AGMO: variants seen among roughly 807,000 people sequenced by gnomAD.
AGMO encodes the protein glyceryl-ether monooxygenase.
Under a neutral mutation model 60.2 loss-of-function variants are expected in AGMO, and 75 were observed. That is an observed-to-expected ratio of 1.25 (90% CI 1.03 to 1.51). The LOEUF is 1.51. Ranked by LOEUF, AGMO falls within the 40% of genes most tolerant of loss-of-function variation. The pLI, the probability that AGMO is intolerant of heterozygous loss-of-function variation, is 0.00. For synonymous variants in AGMO, 261 were observed against 177.1 expected (o/e 1.47, Z -3.76); for missense variants, 763 against 525.5 (o/e 1.45, Z -4.42).
intron 5 of AGMO, among the ~76,000 whole-genome samples, chr7:15,413,052 T>C (rs1489309022): frequency 1.3e-5 from 2 of 152,146 alleles, no homozygotes; most frequent in Non-Finnish European, 2.9e-5. Flanking sequence ...ATATTGGAAT[T>C]AGCAGACAAG....
the AGMO span, among the ~76,000 whole-genome samples, chr7:15,176,795 A>G: frequency 6.6e-5 from 10 of 151,956 alleles, no homozygotes; most frequent in Admixed American, 5.3e-4. Flanking sequence ...TTAAAACTGA[A>G]TATTTGTAAC....
At chr7:15,419,351 T>C (rs370491903) in intron 4 of AGMO, among the ~76,000 whole-genome samples, 10 of 152,020 alleles carry the variant, frequency 6.6e-5, no homozygotes, top group African/African-American at 9.7e-5. Context: ...GTTCTGCTAA[T>C]GACTTTGATC....
chr7:15,240,369 A>T (rs1782553951), intron 12 of AGMO, among the ~76,000 whole-genome samples: 1 of 152,148 alleles, frequency 6.6e-6, no homozygotes, highest in Admixed American at 6.5e-5. Flanking sequence ...TTATGTGCTA[A>T]TTCTTAGTGA....
chr7:15,415,208 T>C (rs1289292004), intron 5 of AGMO, among the ~76,000 whole-genome samples: 1 of 151,940 alleles, frequency 6.6e-6, no homozygotes, highest in East Asian at 2.0e-4. Flanking sequence ...GCCATCCTCC[T>C]GCCTCAGCCT....
intron 12 of AGMO, among the ~76,000 whole-genome samples, chr7:15,243,165 T>A (rs189937787): frequency 1.3e-5 from 2 of 152,236 alleles, no homozygotes; most frequent in East Asian, 3.9e-4. Context: ...TCTCAAGGGA[T>A]TGCTTTTATA....
chr7:15,135,459 C>G, the AGMO span, among the ~76,000 whole-genome samples: 1 of 152,030 alleles, frequency 6.6e-6, no homozygotes, highest in South Asian at 2.1e-4. Flanking sequence ...TATATTTTGA[C>G]TTTATGAGTT....
intron 3 of AGMO, among the ~76,000 whole-genome samples, chr7:15,521,047 A>T (rs530812525): frequency 6.6e-6 from 1 of 152,202 alleles, no homozygotes; most frequent in African/African-American, 2.4e-5. Context: ...ACAAACTACC[A>T]TCAAAGAATA....
chr7:15,257,028 A>T (rs1000461436), intron 12 of AGMO, among the ~76,000 whole-genome samples: 2 of 152,164 alleles, frequency 1.3e-5, no homozygotes, highest in African/African-American at 4.8e-5. Flanking sequence ...TTGTATTTCC[A>T]TGATTCTATA....
chr7:15,557,890 A>G (rs1785189600), intron 2 of AGMO, among the ~76,000 whole-genome samples: 1 of 152,044 alleles, frequency 6.6e-6, no homozygotes, highest in Admixed American at 6.6e-5. Flanking sequence ...AGGGCACCAG[A>G]GTTAACAGTT....
At chr7:15,252,568 A>G (rs10247104) in intron 12 of AGMO, among the ~76,000 whole-genome samples, 4,965 of 152,278 alleles carry the variant, frequency 0.033, 261 homozygotes, top group African/African-American at 0.11. Context: ...CCTATGAAGA[A>G]CTGAATGACA....
intron 3 of AGMO, among the ~76,000 whole-genome samples, chr7:15,471,747 C>A (rs981485265): frequency 6.6e-6 from 1 of 151,858 alleles, no homozygotes; most frequent in Non-Finnish European, 1.5e-5. Context: ...TAATGTTTCA[C>A]CTGTGAGTGG....
chr7:15,260,585 C>G (rs953364128), intron 12 of AGMO, among the ~76,000 whole-genome samples: 4 of 151,950 alleles, frequency 2.6e-5, no homozygotes, highest in Non-Finnish European at 5.9e-5. Context: ...TTTAATATTC[C>G]ACTGACAGCA....
At chr7:15,473,000 T>C (rs1253418172) in intron 3 of AGMO, among the ~76,000 whole-genome samples, 1 of 151,868 alleles carries the variant, frequency 6.6e-6, no homozygotes, top group Non-Finnish European at 1.5e-5. Context: ...CCAAAGCTAA[T>C]TTTCCTCAGT....
downstream of AGMO, among the ~76,000 whole-genome samples, chr7:15,197,420 G>A (rs2115458898): frequency 6.6e-6 from 1 of 152,264 alleles, no homozygotes; most frequent in Middle Eastern, 3.4e-3. Context: ...AGCTGTTAAT[G>A]TTAAATACAA....
At chr7:15,263,259 G>C (rs1214600682) in intron 12 of AGMO, among the ~76,000 whole-genome samples, 2 of 151,758 alleles carry the variant, frequency 1.3e-5, no homozygotes, top group Admixed American at 1.3e-4. Flanking sequence ...TCAAAAACCA[G>C]GCTAAGGACA....
At chr7:15,365,475 G>T (rs1362896586) in intron 12 of AGMO, 39 bp downstream of exon 12, 1 of 1,325,454 alleles carries the variant, frequency 7.5e-7, no homozygotes, top group Admixed American at 1.8e-5. Flanking sequence ...TGTGCGATAG[G>T]TATACGCCAT....
At chr7:15,445,933 G>GA (rs138339706) in intron 3 of AGMO, among the ~76,000 whole-genome samples, 4,039 of 151,656 alleles carry the variant, frequency 0.027, 74 homozygotes, top group Middle Eastern at 0.044. Flanking sequence ...TCAAATACAA[G>GA]AAAAAAAATC....
In AGMO at chr7:15,200,328, ATTTTAT is replaced by A. The variant is rs1781242883; in HGVS notation, c.*951_*956del. 6.6e-6 allele frequency: 1 copy of A among 152,176 alleles called. No homozygotes were observed. The highest frequency in any genetic ancestry group is 1.5e-5 in the Non-Finnish European group (1 of 68,032). 9.4% of individuals were successfully genotyped at this position (152,176 alleles called of 1,614,324 possible). A position where few individuals can be genotyped will look rare whatever the true frequency, so the allele number is the denominator to read the frequency against. ...CAATGTACACACAACACCTTGGGTA[ATTTTAT>A]TTAGAGAATTAACATTGTTCTGATA... On this transcript the variant is annotated 3_prime_UTR_variant, in exon 13 of 13. Coordinates refer to ENST00000342526, the MANE Select transcript of AGMO (RefSeq NM_001004320.2).
intron 10 of AGMO, among the ~76,000 whole-genome samples, chr7:15,382,599 G>A (rs1223325346): frequency 6.6e-6 from 1 of 152,162 alleles, no homozygotes; most frequent in Non-Finnish European, 1.5e-5. Flanking sequence ...TTGGTCAAAA[G>A]CTGTAAGGGC....
Sources: allele counts gnomAD v4.1 joint callset (sites outside exome capture counted in the v4.1 genomes callset), GRCh38; gene constraint gnomAD v4.1.1; transcripts MANE v1.5; gene names NCBI Gene and HGNC (gene_info 2026-07-23, HGNC 2026-07-21).